Variants in ABI1 observed in about 807,000 individuals in gnomAD.
The protein encoded by ABI1 is Abelson interactor 1.
ABI1 carries 14 observed loss-of-function variants against 54.6 expected under a neutral mutation model. The observed-to-expected ratio is 0.26, with a 90% CI of 0.17 to 0.40. The LOEUF is 0.40. ABI1 is among the 10% of genes least tolerant of loss of function. The pLI is 1.00. For missense variants in ABI1, 443 were observed against 598.3 expected, an observed-to-expected ratio of 0.74 and a Z score of 2.71; for synonymous variants, 194 against 209.3, an observed-to-expected ratio of 0.93 and a Z score of 0.63.
chr10:26,769,250 A>C (rs1434650899), intron 5 of ABI1, among the ~76,000 whole-genome samples: 2 of 152,190 alleles, frequency 1.3e-5, no homozygotes, highest in African/African-American at 4.8e-5. Context: ...ATTTCTAAAA[A>C]TTATGGTTAT....
chr10:26,850,003 T>G lies in ABI1; in HGVS notation c.117+10744A>C, dbSNP rs886740032. On this transcript the variant is annotated intron_variant, in intron 1 of 10. Transcript: ENST00000376140. ...AACTACCATCTACCAAGTTTTGTTG[T>G]TGTATCAAAGAAAATCATCCACAAT... Among the ~76,000 whole-genome samples, 6 of 152,236 alleles carry G rather than the reference T, an allele frequency of 3.9e-5. No homozygotes were observed. The East Asian group carries it at 1.2e-3, about 29-fold the overall frequency.
intron 1 of ABI1, among the ~76,000 whole-genome samples, chr10:26,850,442 G>A (rs1047019071): frequency 2.0e-5 from 3 of 151,802 alleles, no homozygotes; most frequent in Non-Finnish European, 4.4e-5. Context: ...GGCAGATCAC[G>A]AGGTCAGCAG....
chr10:26,841,074 T>C (rs2049461697), intron 1 of ABI1, among the ~76,000 whole-genome samples: 1 of 152,220 alleles, frequency 6.6e-6, no homozygotes. Flanking sequence ...ATATCATCTA[T>C]GGTTTTCTTA....
At chr10:26,835,500 A>T (rs574237079) in intron 1 of ABI1, among the ~76,000 whole-genome samples, 1 of 152,130 alleles carries the variant, frequency 6.6e-6, no homozygotes, top group East Asian at 1.9e-4. Flanking sequence ...ACTTAAGCCC[A>T]GAAGGTTGAG....
rs147519862 is a variant in ABI1 at position 26,831,610 on chromosome 10, T to C, written c.118-8305A>G. ...ATATGATCTAAGATCTAATCAAAGA[T>C]TGTTCATAGCTGTTAACAGTCATAT... On this transcript the variant is annotated intron_variant, in intron 1 of 10. Coordinates refer to ENST00000376140, the MANE Select transcript of ABI1 (RefSeq NM_001012750.3). Among the ~76,000 whole-genome samples the C allele has an allele frequency of 1.5e-3, 227 of 152,334 alleles. 1 individual carries two copies. Among genetic ancestry groups the C allele is most frequent in the African/African-American group, 5.2e-3 (217 of 41,572 alleles).
intron 1 of ABI1, among the ~76,000 whole-genome samples, chr10:26,837,430 AAC>A (rs35545493): frequency 0.2 from 30,173 of 152,018 alleles, 3,211 homozygotes; most frequent in African/African-American, 0.24. Flanking sequence ...CCCTAGCTCC[AAC>A]ACAGTCACAT....
chr10:26,830,638 A>C (rs1474427840), intron 1 of ABI1, among the ~76,000 whole-genome samples: 10 of 151,796 alleles, frequency 6.6e-5, no homozygotes, highest in African/African-American at 2.4e-4. Context: ...AAAAAAAAAA[A>C]AAACAAAACT....
At chr10:26,832,757 G>A (rs1232062026) in intron 1 of ABI1, among the ~76,000 whole-genome samples, 1 of 152,160 alleles carries the variant, frequency 6.6e-6, no homozygotes, top group Non-Finnish European at 1.5e-5. Flanking sequence ...GTTGGTTAGA[G>A]ACCTGAGAAA....
intron 2 of ABI1, among the ~76,000 whole-genome samples, chr10:26,807,263 C>T (rs965096996): frequency 3.3e-4 from 50 of 152,082 alleles, no homozygotes; most frequent in African/African-American, 1.2e-3. Context: ...CGCTTGAGCC[C>T]GGGAATTCGA....
At chr10:26,755,567 A>C (rs1288511077) in intron 9 of ABI1, 88 bp downstream of exon 9, 3 of 1,025,742 alleles carry the variant, frequency 2.9e-6, no homozygotes, top group Non-Finnish European at 1.5e-6. Context: ...TCTCAATAAA[A>C]GTAAGGAAAA....
At chr10:26,771,117 A>G (rs1840636153) in intron 3 of ABI1, 28 bp from the exon 4 acceptor site, 2 of 1,612,890 alleles carry the variant, frequency 1.2e-6, no homozygotes, top group East Asian at 2.2e-5. Flanking sequence ...AAGGGGGGGA[A>G]AAAGTAGACA....
At chr10:26,838,926 C>T (rs1194811421) in intron 1 of ABI1, among the ~76,000 whole-genome samples, 1 of 152,282 alleles carries the variant, frequency 6.6e-6, no homozygotes, top group South Asian at 2.1e-4. Context: ...TAAAAATGAA[C>T]AAAGTATAAT....
At chr10:26,774,162 A>G (rs920733067) in intron 3 of ABI1, among the ~76,000 whole-genome samples, 8 of 152,152 alleles carry the variant, frequency 5.3e-5, no homozygotes, top group African/African-American at 1.9e-4. Flanking sequence ...AATTACTTAT[A>G]ATACCTAATA....
intron 1 of ABI1, among the ~76,000 whole-genome samples, chr10:26,836,216 G>A (rs192327711): frequency 9.3e-4 from 142 of 151,942 alleles, no homozygotes; most frequent in Non-Finnish European, 1.7e-3. Context: ...AGGTTCAAGC[G>A]ATTCTCCTGC....
intron 9 of ABI1, among the ~76,000 whole-genome samples, chr10:26,754,566 C>T (rs1838041141): frequency 6.6e-6 from 1 of 152,104 alleles, no homozygotes; most frequent in South Asian, 2.1e-4. Flanking sequence ...ACATCGGGTA[C>T]ACAAATATTT....
intron 1 of ABI1, among the ~76,000 whole-genome samples, chr10:26,829,233 A>G (rs1021767434): frequency 6.6e-6 from 1 of 152,094 alleles, no homozygotes; most frequent in African/African-American, 2.4e-5. Flanking sequence ...CTCAAAAAAA[A>G]AAAAAAAGCA....
At chr10:26,750,243 C>G (rs1342015198) in intron 10 of ABI1, among the ~76,000 whole-genome samples, 1 of 152,246 alleles carries the variant, frequency 6.6e-6, no homozygotes, top group African/African-American at 2.4e-5. Flanking sequence ...TGCCGGTAAT[C>G]CCAGCACAGG....
chr10:26,770,931 T>A (rs1046485031), intron 4 of ABI1, 144 bp downstream of exon 4: 7 of 792,862 alleles, frequency 8.8e-6, no homozygotes, highest in Admixed American at 2.5e-5. Flanking sequence ...TTATTTGAAC[T>A]GAACTTGAGT....
chr10:26,808,667 G>A (rs964630476), intron 2 of ABI1, among the ~76,000 whole-genome samples: 1 of 152,090 alleles, frequency 6.6e-6, no homozygotes, highest in African/African-American at 2.4e-5. Flanking sequence ...AGGTTGCAGT[G>A]AGCCGAGATC....
Sources: allele counts gnomAD v4.1 joint callset (sites outside exome capture counted in the v4.1 genomes callset), GRCh38; gene constraint gnomAD v4.1.1; transcripts MANE v1.5; gene names NCBI Gene and HGNC (gene_info 2026-07-23, HGNC 2026-07-21).